Variants in CSMD3 observed in about 807,000 individuals in gnomAD.
The protein encoded by CSMD3 is CUB and Sushi multiple domains 3.
A neutral mutation model predicts 435.2 loss-of-function variants in CSMD3; 177 were observed. That is an observed-to-expected ratio of 0.41 (90% CI 0.36 to 0.46). The LOEUF (loss-of-function observed/expected upper bound fraction) is 0.46. Ranked by LOEUF, CSMD3 falls within the 20% of genes least tolerant of loss-of-function variation. The pLI, the probability that CSMD3 is intolerant of heterozygous loss-of-function variation, is 0.34. For synonymous variants in CSMD3, 1,656 were observed against 1,520.5 expected (o/e 1.09, Z -2.07); for missense variants, 4,265 against 4,504.6 (o/e 0.95, Z 1.52).
At chr8:112,672,084 G>T (rs1285566792) in intron 16 of CSMD3, among the ~76,000 whole-genome samples, 3 of 152,216 alleles carry the variant, frequency 2.0e-5, no homozygotes, top group African/African-American at 7.2e-5. Flanking sequence ...CATGAAACAT[G>T]ATAAGTACAT....
At chr8:112,375,158 CT>C (rs1828823299) in intron 38 of CSMD3, among the ~76,000 whole-genome samples, 1 of 152,070 alleles carries the variant, frequency 6.6e-6, no homozygotes, top group South Asian at 2.1e-4. Context: ...AGGACAGTGG[CT>C]TTCTTTGATT....
intron 13 of CSMD3, among the ~76,000 whole-genome samples, chr8:112,715,723 A>T (rs1178501030): frequency 3.9e-5 from 6 of 152,212 alleles, no homozygotes; most frequent in Non-Finnish European, 8.8e-5. Context: ...AAGCGTATCC[A>T]CCATGATGAA....
intron 11 of CSMD3, among the ~76,000 whole-genome samples, chr8:112,837,777 C>T (rs1267627529): frequency 6.6e-6 from 1 of 151,636 alleles, no homozygotes; most frequent in Non-Finnish European, 1.5e-5. Flanking sequence ...AGCAGCTTTT[C>T]TCCATTATGA....
chr8:113,203,610 T>G (rs561044018), intron 3 of CSMD3, among the ~76,000 whole-genome samples: 1 of 152,036 alleles, frequency 6.6e-6, no homozygotes, highest in Non-Finnish European at 1.5e-5. Context: ...AATATATAAT[T>G]AAAATATCAT....
At chr8:112,867,483 A>G (rs1362176208) in intron 10 of CSMD3, among the ~76,000 whole-genome samples, 1 of 152,124 alleles carries the variant, frequency 6.6e-6, no homozygotes, top group Non-Finnish European at 1.5e-5. Context: ...ATTATTAAAC[A>G]TCATAGAGTG....
intron 22 of CSMD3, among the ~76,000 whole-genome samples, chr8:112,596,506 C>A (rs1250779153): frequency 6.6e-6 from 1 of 152,048 alleles, no homozygotes; most frequent in East Asian, 1.9e-4. Context: ...CAGCTCTGCA[C>A]CAAGCGGACC....
chr8:113,088,224 G>C (rs996677963), intron 5 of CSMD3, among the ~76,000 whole-genome samples: 6 of 150,788 alleles, frequency 4.0e-5, no homozygotes, highest in South Asian at 2.1e-4. Context: ...GTTCTGGAGA[G>C]GATGTGGAGA....
intron 32 of CSMD3, among the ~76,000 whole-genome samples, chr8:112,432,198 G>A (rs900276262): frequency 1.9e-4 from 29 of 152,164 alleles, no homozygotes; most frequent in African/African-American, 4.8e-4. Flanking sequence ...TTCCTGTAAT[G>A]CAAGAGTTGG....
intron 22 of CSMD3, among the ~76,000 whole-genome samples, chr8:112,599,180 A>C (rs1031573215): frequency 5.4e-5 from 8 of 147,226 alleles, no homozygotes; most frequent in African/African-American, 1.5e-4. Context: ...AAAGAAAAAA[A>C]AAACAACCCC....
At chr8:112,789,649 T>C (rs1254209965) in intron 13 of CSMD3, among the ~76,000 whole-genome samples, 1 of 151,940 alleles carries the variant, frequency 6.6e-6, no homozygotes, top group Non-Finnish European at 1.5e-5. Flanking sequence ...ACTAGAAATT[T>C]CAGTTTTACT....
intron 22 of CSMD3, among the ~76,000 whole-genome samples, chr8:112,632,213 C>T (rs963541834): frequency 1.3e-5 from 2 of 151,952 alleles, no homozygotes; most frequent in African/African-American, 2.4e-5. Context: ...CGCATATATG[C>T]TGCACATTCA....
intron 32 of CSMD3, among the ~76,000 whole-genome samples, chr8:112,441,583 C>T (rs2130506590): frequency 6.6e-6 from 1 of 152,298 alleles, no homozygotes; most frequent in Middle Eastern, 3.4e-3. Context: ...ATAAAGCAAA[C>T]ACTGGGTAAT....
rs987672804 is a variant in CSMD3, at chr8:112,278,755, C to T, written c.9508+2419G>A. ...AAAACAACCTTCGTTGTTGTTGCTA[C>T]TGTCTATGTGTCTGTCATCAAAAAG... On this transcript the variant is annotated intron_variant, in intron 59 of 70. Transcript: ENST00000297405. Among the ~76,000 whole-genome samples, 9 of 152,266 alleles carry T rather than the reference C, an allele frequency of 5.9e-5. No individual in the cohort carries two copies. In the East Asian group the frequency reaches 1.5e-3, roughly 26 times the overall value.
intron 64 of CSMD3, among the ~76,000 whole-genome samples, chr8:112,246,254 G>A (rs1225709029): frequency 6.6e-6 from 1 of 152,168 alleles, no homozygotes; most frequent in Non-Finnish European, 1.5e-5. Flanking sequence ...AACAGGGATA[G>A]AGTAAATTCA....
intron 3 of CSMD3, among the ~76,000 whole-genome samples, chr8:113,186,877 G>C (rs145993429): frequency 1.6e-3 from 250 of 152,002 alleles, no homozygotes; most frequent in African/African-American, 5.9e-3. Flanking sequence ...CCATGAGTCC[G>C]AGTAAACACT....
At chr8:112,966,580 TTC>T (rs2084425674) in intron 7 of CSMD3, among the ~76,000 whole-genome samples, 1 of 151,790 alleles carries the variant, frequency 6.6e-6, no homozygotes, top group South Asian at 2.1e-4. Context: ...TGATGTATTT[TTC>T]TCTTTGTTAT....
At chr8:112,413,783 C>G (rs1230161636) in intron 32 of CSMD3, among the ~76,000 whole-genome samples, 1 of 152,218 alleles carries the variant, frequency 6.6e-6, no homozygotes, top group African/African-American at 2.4e-5. Context: ...CTAGCAGTCT[C>G]TCCTCGAACA....
intron 58 of CSMD3, among the ~76,000 whole-genome samples, chr8:112,285,537 G>A (rs1266414916): frequency 8.6e-5 from 13 of 151,858 alleles, no homozygotes; most frequent in African/African-American, 3.1e-4. Flanking sequence ...AGTTTGATTG[G>A]GAATTATCTT....
intron 7 of CSMD3, among the ~76,000 whole-genome samples, chr8:112,970,899 T>A: frequency 6.6e-6 from 1 of 151,700 alleles, no homozygotes; most frequent in East Asian, 2.0e-4. Flanking sequence ...TTTTTTGTAT[T>A]TTTATTAGAG....
Sources: allele counts gnomAD v4.1 joint callset (sites outside exome capture counted in the v4.1 genomes callset), GRCh38; gene constraint gnomAD v4.1.1; transcripts MANE v1.5; gene names NCBI Gene and HGNC (gene_info 2026-07-23, HGNC 2026-07-21).